The following CNTN5 variants were observed in gnomAD, a reference collection of about 807,000 sequenced individuals.
CNTN5 encodes contactin 5.
In CNTN5, 77 loss-of-function variants were observed where a neutral mutation model predicts 129.1. The ratio of observed to expected loss-of-function variants is 0.60; its 90% CI spans 0.50 to 0.72. The LOEUF (loss-of-function observed/expected upper bound fraction) is 0.72, where lower values mean the gene tolerates loss of function less well. CNTN5 is among the 30% of genes least tolerant of loss of function. CNTN5 has a pLI of 0.00. For missense variants in CNTN5, 1,478 were observed against 1,328.8 expected, an observed-to-expected ratio of 1.11 and a Z score of -1.75; for synonymous variants, 509 against 465.6, an observed-to-expected ratio of 1.09 and a Z score of -1.20.
At chr11:99,867,762 T>C (rs1030485628) in intron 6 of CNTN5, among the ~76,000 whole-genome samples, 2 of 152,184 alleles carry the variant, frequency 1.3e-5, no homozygotes, top group Non-Finnish European at 2.9e-5. Flanking sequence ...AGTTACATAT[T>C]CAATGTTAAT....
intron 9 of CNTN5, among the ~76,000 whole-genome samples, chr11:100,039,639 C>G (rs1942253529): frequency 6.6e-6 from 1 of 152,146 alleles, no homozygotes; most frequent in Non-Finnish European, 1.5e-5. Flanking sequence ...TTCACATAGT[C>G]CCATATTTCT....
chr11:100,277,612 T>A (rs773637000), intron 18 of CNTN5, among the ~76,000 whole-genome samples: 19 of 152,176 alleles, frequency 1.2e-4, no homozygotes, highest in Admixed American at 3.9e-4. Context: ...GACTTATATG[T>A]CTTCTTTTGA....
rs897382225 is a variant in CNTN5, at chr11:99,192,154, CAAAA to C, written c.-209-133191_-209-133188del. On this transcript the variant is annotated intron_variant, in intron 1 of 24. Coordinates refer to ENST00000524871, the MANE Select transcript of CNTN5 (RefSeq NM_014361.4). ...TAATGGATGGACTAGTTATGACTAA[CAAAA>C]GAAAGAAGACAAATAAAATCTGAAT... Among the ~76,000 whole-genome samples, 57 of 148,840 alleles carry C rather than the reference CAAAA, an allele frequency of 3.8e-4. 1 individual carries two copies. The highest frequency in any genetic ancestry group is 1.3e-3 in the African/African-American group (54 of 40,654).
chr11:99,292,622 T>C (rs1864217746), intron 1 of CNTN5, among the ~76,000 whole-genome samples: 2 of 152,198 alleles, frequency 1.3e-5, no homozygotes, highest in African/African-American at 4.8e-5. Context: ...TGAGTGTGTG[T>C]CTGGAGAGTC....
rs528581203 is a variant in CNTN5, at chr11:99,649,012, G to C, written c.55+92743G>C. Among the ~76,000 whole-genome samples, 4 of 151,722 alleles carry C rather than the reference G, an allele frequency of 2.6e-5. No homozygotes were observed. The East Asian group carries it at 7.7e-4, about 29-fold the overall frequency. On this transcript the variant is annotated intron_variant, in intron 3 of 24. Coordinates refer to ENST00000524871, the MANE Select transcript of CNTN5 (RefSeq NM_014361.4). ...TCTATAACACTATGGCATAACTATA[G>C]TCAAGAAAATACCAAATATTTTCAA... is the stretch of plus-strand genomic sequence containing the variant.
At chr11:100,261,503 A>C (rs561157887) in intron 17 of CNTN5, among the ~76,000 whole-genome samples, 85 of 152,266 alleles carry the variant, frequency 5.6e-4, no homozygotes, top group Non-Finnish European at 1.1e-3. Flanking sequence ...AATCCTAAGC[A>C]AAAAGAACAA....
intron 2 of CNTN5, among the ~76,000 whole-genome samples, chr11:99,495,161 G>C (rs759377371): frequency 6.6e-6 from 1 of 152,134 alleles, no homozygotes; most frequent in African/African-American, 2.4e-5. Flanking sequence ...GAAGTCAGGA[G>C]TTCAAGACCA....
intron 3 of CNTN5, among the ~76,000 whole-genome samples, chr11:99,696,970 A>G (rs1373558725): frequency 6.6e-6 from 1 of 151,956 alleles, no homozygotes; most frequent in Non-Finnish European, 1.5e-5. Flanking sequence ...TGCTTTACAG[A>G]ACCAAACAAA....
At chr11:100,338,078 A>C (rs1392497801) in intron 21 of CNTN5, among the ~76,000 whole-genome samples, 1 of 152,218 alleles carries the variant, frequency 6.6e-6, no homozygotes, top group Non-Finnish European at 1.5e-5. Context: ...GGCTAAAGTA[A>C]TTTAACATTT....
chr11:99,929,436 A>T (rs954830569), intron 7 of CNTN5, among the ~76,000 whole-genome samples: 1 of 152,168 alleles, frequency 6.6e-6, no homozygotes, highest in Admixed American at 6.5e-5. Flanking sequence ...TTACTGTAAT[A>T]GTCCATTCTC....
chr11:100,316,435 C>T (rs762123378), intron 21 of CNTN5, among the ~76,000 whole-genome samples: 7 of 152,070 alleles, frequency 4.6e-5, no homozygotes, highest in South Asian at 2.1e-4. Flanking sequence ...AAAAGAAATA[C>T]GTTGGAACAA....
At chr11:99,261,270 T>C (rs1221652604) in intron 1 of CNTN5, among the ~76,000 whole-genome samples, 3 of 152,018 alleles carry the variant, frequency 2.0e-5, no homozygotes, top group Non-Finnish European at 4.4e-5. Context: ...TGACATGTAA[T>C]TGAGATTTTA....
At chr11:99,403,008 CTTTTTT>C (rs56376015) in intron 2 of CNTN5, among the ~76,000 whole-genome samples, 12 of 142,106 alleles carry the variant, frequency 8.4e-5, no homozygotes, top group African/African-American at 2.8e-4. Context: ...TGTTAAACTT[CTTTTTT>C]TTTTTTTTTT....
chr11:99,553,350 T>C (rs1379518872), intron 2 of CNTN5, among the ~76,000 whole-genome samples: 1 of 152,106 alleles, frequency 6.6e-6, no homozygotes, highest in Non-Finnish European at 1.5e-5. Flanking sequence ...CTTTGGTAAC[T>C]TTTATTCATT....
chr11:99,675,750 A>G (rs998439149), intron 3 of CNTN5, among the ~76,000 whole-genome samples: 3 of 152,278 alleles, frequency 2.0e-5, no homozygotes, highest in Non-Finnish European at 2.9e-5. Flanking sequence ...CAAGTGTTTT[A>G]TATTAATGGG....
chr11:99,525,139 A>ACATTAGG lies in CNTN5; in HGVS notation c.-70-31006_-70-31005insCATTAGG, dbSNP rs1947436732. ...ATCATTTACCATGAAAAGCCAATTT[A>ACATTAGG]AAGGGAGGCTTTTTTTTTACATTAG... On this transcript the variant is annotated intron_variant, in intron 2 of 24. Transcript: ENST00000524871. Among the ~76,000 whole-genome samples the ACATTAGG allele has an allele frequency of 3.5e-5, 5 of 141,338 alleles. No homozygotes were observed. The South Asian group carries it at 1.1e-3, about 32-fold the overall frequency. The allele number at this position is 141,338 out of a possible 152,430, so 92.7% of individuals were successfully genotyped here.
At chr11:100,291,642 C>A (rs1185768906) in intron 18 of CNTN5, among the ~76,000 whole-genome samples, 2 of 151,608 alleles carry the variant, frequency 1.3e-5, no homozygotes, top group African/African-American at 2.4e-5. Context: ...GGGAGATATA[C>A]CTAATGCTAG....
chr11:99,293,514 G>A (rs1031712677), intron 1 of CNTN5, among the ~76,000 whole-genome samples: 15 of 152,080 alleles, frequency 9.9e-5, no homozygotes, highest in African/African-American at 3.6e-4. Context: ...TACTTTAAAT[G>A]TTTGGTAGAA....
At chr11:100,130,340 G>A (rs1223982149) in intron 13 of CNTN5, among the ~76,000 whole-genome samples, 1 of 152,070 alleles carries the variant, frequency 6.6e-6, no homozygotes, top group East Asian at 1.9e-4. Flanking sequence ...GCATTGGAGA[G>A]GTACTTGCAA....
Sources: gnomAD v4.1 joint callset for allele counts (sites outside exome capture counted in the v4.1 genomes callset) on GRCh38, gnomAD v4.1.1 for gene constraint, MANE v1.5 for transcripts, NCBI Gene and HGNC (gene_info 2026-07-23, HGNC 2026-07-21) for gene names.